Variants in CEP128 observed in about 807,000 individuals in gnomAD.
CEP128 encodes the protein centrosomal protein 128kDa.
A neutral mutation model predicts 156.7 loss-of-function variants in CEP128; 132 were observed. The observed-to-expected ratio is 0.84, with a 90% CI of 0.73 to 0.97. CEP128 has a LOEUF of 0.97. CEP128 is among the 50% of genes least tolerant of loss of function. CEP128 has a pLI of 0.00. For missense variants in CEP128, 1,252 were observed against 1,281.9 expected, an observed-to-expected ratio of 0.98 and a Z score of 0.36; for synonymous variants, 469 against 448.9, an observed-to-expected ratio of 1.04 and a Z score of -0.57.
intron 19 of CEP128, among the ~76,000 whole-genome samples, chr14:80,587,045 G>A (rs536157244): frequency 5.6e-4 from 81 of 143,526 alleles, no homozygotes; most frequent in African/African-American, 1.8e-3. Context: ...TTAGCTCTCA[G>A]TATTTTTTTT....
chr14:80,673,871 G>A (rs542783921), intron 19 of CEP128, among the ~76,000 whole-genome samples: 5 of 151,128 alleles, frequency 3.3e-5, no homozygotes, highest in African/African-American at 1.2e-4. Context: ...TCAAGAATAC[G>A]CTATCTTCAC....
chr14:80,522,432 A>G (rs1888787437), intron 23 of CEP128, among the ~76,000 whole-genome samples: 1 of 152,204 alleles, frequency 6.6e-6, no homozygotes, highest in South Asian at 2.1e-4. Context: ...CTCTGCTGAA[A>G]GCCATTATTA....
chr14:80,547,536 AG>A (rs1404688641), intron 21 of CEP128, among the ~76,000 whole-genome samples: 1 of 152,132 alleles, frequency 6.6e-6, no homozygotes, highest in Non-Finnish European at 1.5e-5. Flanking sequence ...GAATAGGGTG[AG>A]GGGTATTGAC....
At chr14:80,847,583 T>C (rs1251324916) in intron 9 of CEP128, among the ~76,000 whole-genome samples, 2 of 152,160 alleles carry the variant, frequency 1.3e-5, no homozygotes, top group Non-Finnish European at 2.9e-5. Context: ...GCTTGACATG[T>C]TAACAACAAG....
At chr14:80,575,242 A>G (rs180787586) in intron 20 of CEP128, among the ~76,000 whole-genome samples, 56 of 151,874 alleles carry the variant, frequency 3.7e-4, no homozygotes, top group African/African-American at 1.1e-3. Context: ...TTCTAATAAA[A>G]TTTCTAATAA....
intron 8 of CEP128, among the ~76,000 whole-genome samples, chr14:80,889,880 GA>G (rs1454521257): frequency 5.3e-5 from 8 of 152,064 alleles, no homozygotes; most frequent in African/African-American, 1.9e-4. Context: ...CTATCCATCT[GA>G]CAAAGAGCTA....
At chr14:80,778,129 A>T in intron 15 of CEP128, 83 bp from the exon 16 acceptor site, 3 of 1,115,596 alleles carry the variant, frequency 2.7e-6, no homozygotes, top group South Asian at 2.7e-5. Context: ...TTATCAGTGG[A>T]AAAACACTGC....
chr14:80,703,014 T>C lies in CEP128; in HGVS notation c.2806+40061A>G, dbSNP rs576797533. ...TACGTATGTATTTAAACTATTTTTA[T>C]GGTAAATTTGGAGAGAATGGAACTA... On this transcript the variant is annotated intron_variant, in intron 19 of 24. Transcript: ENST00000555265. Among the ~76,000 whole-genome samples, 121 of 152,262 alleles carry C rather than the reference T, an allele frequency of 7.9e-4. 1 individual carries two copies. The South Asian group carries it at 0.024, about 30-fold the overall frequency.
chr14:80,813,487 A>G (rs930257911), intron 13 of CEP128, among the ~76,000 whole-genome samples: 2 of 151,944 alleles, frequency 1.3e-5, no homozygotes, highest in African/African-American at 4.8e-5. Context: ...AAATGTTGTG[A>G]AGATTTTCTT....
At chr14:80,841,636 T>C (rs762794978) in intron 9 of CEP128, among the ~76,000 whole-genome samples, 36 of 152,066 alleles carry the variant, frequency 2.4e-4, no homozygotes, top group Non-Finnish European at 4.9e-4. Flanking sequence ...GATGATTCTA[T>C]GAATTATTAT....
At chr14:80,616,418 G>A (rs956886714) in intron 19 of CEP128, among the ~76,000 whole-genome samples, 3 of 152,142 alleles carry the variant, frequency 2.0e-5, no homozygotes, top group Admixed American at 6.5e-5. Context: ...AGACAAGCTG[G>A]GAGAGACTGT....
chr14:80,815,079 C>CA (rs376343088), intron 13 of CEP128, among the ~76,000 whole-genome samples: 9 of 149,970 alleles, frequency 6.0e-5, no homozygotes, highest in African/African-American at 1.7e-4. Context: ...AAGAAACAAA[C>CA]AAAAAAAAAC....
chr14:80,547,479 G>A (rs1265961225), intron 21 of CEP128, among the ~76,000 whole-genome samples: 1 of 152,146 alleles, frequency 6.6e-6, no homozygotes, highest in Non-Finnish European at 1.5e-5. Context: ...CCCTAGTTTT[G>A]TCACATTTAG....
chr14:80,725,474 C>G (rs540278953), intron 19 of CEP128, among the ~76,000 whole-genome samples: 1 of 152,208 alleles, frequency 6.6e-6, no homozygotes, highest in Non-Finnish European at 1.5e-5. Context: ...TGAGGCACTG[C>G]GCCCAGCCCC....
At chr14:80,688,857 A>G (rs1247965331) in intron 19 of CEP128, among the ~76,000 whole-genome samples, 1 of 152,178 alleles carries the variant, frequency 6.6e-6, no homozygotes, top group African/African-American at 2.4e-5. Context: ...AATTTCACCT[A>G]TACATTCCCT....
At chr14:80,609,525 G>C (rs1892913259) in intron 19 of CEP128, among the ~76,000 whole-genome samples, 1 of 152,094 alleles carries the variant, frequency 6.6e-6, no homozygotes, top group African/African-American at 2.4e-5. Flanking sequence ...TGATGGATTT[G>C]CACTTTGCTT....
chr14:80,631,427 T>C (rs1365033982), intron 19 of CEP128, among the ~76,000 whole-genome samples: 2 of 152,058 alleles, frequency 1.3e-5, no homozygotes, highest in African/African-American at 4.8e-5. Context: ...AAATGACTGG[T>C]CTAAAGAACT....
At chr14:80,820,492 G>T (rs1409268274) in intron 13 of CEP128, among the ~76,000 whole-genome samples, 2 of 152,092 alleles carry the variant, frequency 1.3e-5, no homozygotes, top group East Asian at 3.9e-4. Context: ...GACTCCTAGG[G>T]GCTTAGTCCT....
chr14:80,613,007 A>ATTT (rs66946967), intron 19 of CEP128, among the ~76,000 whole-genome samples: 2 of 114,702 alleles, frequency 1.7e-5, no homozygotes, highest in African/African-American at 6.5e-5. Flanking sequence ...CACCCGGCGA[A>ATTT]TTTTTTTTTT....
Sources: allele counts gnomAD v4.1 joint callset (sites outside exome capture counted in the v4.1 genomes callset), GRCh38; gene constraint gnomAD v4.1.1; transcripts MANE v1.5; gene names NCBI Gene and HGNC (gene_info 2026-07-23, HGNC 2026-07-21).